SHPRH: variants seen among roughly 807,000 people sequenced by gnomAD.
SHPRH encodes the protein SNF2 histone linker PHD RING helicase, also known as E3 ubiquitin-protein ligase SHPRH.
Under a neutral mutation model 202.5 loss-of-function variants are expected in SHPRH, and 106 were observed. The ratio of observed to expected loss-of-function variants is 0.52; its 90% CI spans 0.45 to 0.62. The LOEUF (loss-of-function observed/expected upper bound fraction) is 0.62. SHPRH is among the 20% of genes least tolerant of loss of function. The probability of loss-of-function intolerance (pLI) is 0.00; values close to 1 mark genes in which losing one functional copy is unlikely to be tolerated. For synonymous variants in SHPRH, 729 were observed against 686.0 expected, an observed-to-expected ratio of 1.06 and a Z score of -0.98; for missense variants, 1,710 against 2,020.0, an observed-to-expected ratio of 0.85 and a Z score of 2.94.
At chr6:145,907,518 T>A (rs1783074636) in intron 25 of SHPRH, 1 of 152,150 alleles carries the variant, frequency 6.6e-6, no homozygotes, top group South Asian at 2.1e-4. Context: ...AATTCTCAAA[T>A]GTTCAGGTGG....
chr6:145,927,291 A>G lies in SHPRH; in HGVS notation c.3113-14T>C, dbSNP rs936380303. ...AGGCATACTCACCTAAAGAATTAAAATGTATTTAAAGCATACGAGAGTCAC... is the reference window on the plus strand; with the variant it reads ...AGGCATACTCACCTAAAGAATTAAAGTGTATTTAAAGCATACGAGAGTCAC... On this transcript the variant is annotated splice_polypyrimidine_tract_variant and intron_variant, in intron 14 of 29. Transcript: ENST00000275233. The G allele has an allele frequency of 6.8e-6, 11 of 1,607,568 alleles. No individual in the cohort carries two copies. The African/African-American group carries it at 1.2e-4, about 18-fold the overall frequency.
chr6:145,930,078 C>T (rs560024295), intron 14 of SHPRH, among the ~76,000 whole-genome samples: 1 of 152,118 alleles, frequency 6.6e-6, no homozygotes, highest in East Asian at 1.9e-4. Context: ...GTAAGTAGGC[C>T]CACCCTATTC....
chr6:145,891,559 T>G (rs1439140600), intron 28 of SHPRH, among the ~76,000 whole-genome samples: 1 of 152,174 alleles, frequency 6.6e-6, no homozygotes, highest in East Asian at 1.9e-4. Flanking sequence ...GGACATCTCA[T>G]GTTCCTAAAA....
At position 145,940,764 on chromosome 6, in the gene SHPRH, C is replaced by A. The variant is rs753771308; in HGVS notation, c.2528G>T (p.Arg843Leu). ...TACTGGAGTGCCACTGATACACCATCGATTAATCCCACTCAAACGCTGGGC... is the reference window on the plus strand; with the variant it reads ...TACTGGAGTGCCACTGATACACCATAGATTAATCCCACTCAAACGCTGGGC... The part of the protein sequence containing the change: ...EMAQRLSGIN[R>L]WCISGTPVQR... Residue 843 changes from arginine (R) to leucine (L), a missense_variant, in exon 11 of 30, where the codon CGA (arginine) becomes CTA (leucine). Coordinates refer to ENST00000275233, the MANE Select transcript of SHPRH (RefSeq NM_001042683.3). 1.1e-5 allele frequency: 18 copies of A among 1,613,652 alleles called. No individual in the cohort carries two copies. Among genetic ancestry groups the A allele is most frequent in the Non-Finnish European group, 1.5e-5 (18 of 1,179,830 alleles).
intron 11 of SHPRH, 129 bp downstream of exon 11, chr6:145,940,594 A>G: frequency 1.2e-6 from 1 of 816,012 alleles, no homozygotes; most frequent in South Asian, 1.8e-5. Context: ...AACTATTAGG[A>G]GTCAACTATA....
downstream of SHPRH, among the ~76,000 whole-genome samples, chr6:145,860,452 G>C (rs1779542921): frequency 6.6e-6 from 1 of 151,898 alleles, no homozygotes. Context: ...GTAAGTGAAA[G>C]ACTTGTACAT....
At chr6:145,933,301 AT>A (rs938727419) in intron 13 of SHPRH, 123 bp from the exon 14 acceptor site, 224 of 1,408,250 alleles carry the variant, frequency 1.6e-4, no homozygotes, top group Admixed American at 3.2e-4. Flanking sequence ...TATCTCTAGC[AT>A]TTTTTTTCGC....
At chr6:145,952,183 A>T (rs6912338) in intron 3 of SHPRH, among the ~76,000 whole-genome samples, 166 bp downstream of exon 3, 1 of 152,090 alleles carries the variant, frequency 6.6e-6, no homozygotes, top group East Asian at 1.9e-4. Flanking sequence ...CAAAGAAACA[A>T]ATTATATTAG....
rs1421471433 is a variant in SHPRH, at chr6:145,885,870, A to T, written c.*821T>A. 6.6e-6 allele frequency: 1 copy of T among 152,104 alleles called. No individual in the cohort carries two copies. Among genetic ancestry groups the T allele is most frequent in the Non-Finnish European group, 1.5e-5 (1 of 68,018 alleles). The allele number at this position is 152,104 out of a possible 1,614,324, so 9.4% of individuals were successfully genotyped here. On this transcript the variant is annotated 3_prime_UTR_variant, in exon 30 of 30. Coordinates refer to ENST00000275233, the MANE Select transcript of SHPRH (RefSeq NM_001042683.3). ...ATGATTAAAAAAAAAACCCTGCCAT[A>T]TTTCCATGTTATAATAAAACAAAAT...
chr6:145,952,249 G>T, intron 3 of SHPRH, 100 bp downstream of exon 3: 1 of 1,039,232 alleles, frequency 9.6e-7, no homozygotes, highest in Non-Finnish European at 1.3e-6. Flanking sequence ...TTTTATTATG[G>T]CTTTATTAGC....
intron 11 of SHPRH, among the ~76,000 whole-genome samples, chr6:145,936,432 T>G (rs945562086): frequency 2.0e-5 from 3 of 152,110 alleles, no homozygotes; most frequent in Non-Finnish European, 4.4e-5. Flanking sequence ...TGGGCTCAAG[T>G]GATCCTACCT....
chr6:145,914,726 T>TG (rs1246364471), intron 23 of SHPRH, among the ~76,000 whole-genome samples: 1 of 152,174 alleles, frequency 6.6e-6, no homozygotes, highest in Non-Finnish European at 1.5e-5. Context: ...CTTTGACCCA[T>TG]GGGTTATTCA....
intron 16 of SHPRH, 40 bp from the exon 17 acceptor site, chr6:145,924,886 T>C (rs73582109): frequency 3.4e-6 from 5 of 1,485,554 alleles, no homozygotes; most frequent in African/African-American, 1.4e-5. Flanking sequence ...ACTCCCAATC[T>C]AGAATATAAT....
chr6:145,887,667 C>T (rs1313246145), intron 29 of SHPRH, among the ~76,000 whole-genome samples: 2 of 151,776 alleles, frequency 1.3e-5, no homozygotes, highest in Non-Finnish European at 2.9e-5. Context: ...TCCCGACTAG[C>T]TAAGACTATG....
At chr6:145,859,177 C>G in the SHPRH span, among the ~76,000 whole-genome samples, 1 of 151,944 alleles carries the variant, frequency 6.6e-6, no homozygotes. Flanking sequence ...GTATGTCTAA[C>G]CAATTTTGAA....
At chr6:145,941,280 G>C (rs1197992973) in intron 10 of SHPRH, among the ~76,000 whole-genome samples, 1 of 152,182 alleles carries the variant, frequency 6.6e-6, no homozygotes, top group Non-Finnish European at 1.5e-5. Flanking sequence ...GTCAACTTTG[G>C]TTCAAAGCTA....
chr6:145,947,762 T>TATA, intron 5 of SHPRH, 119 bp from the exon 6 acceptor site: 1 of 1,267,014 alleles, frequency 7.9e-7, no homozygotes, highest in Non-Finnish European at 1.1e-6. Flanking sequence ...TTATTGAAAC[T>TATA]ATATTTTAGG....
At chr6:145,915,678 T>G (rs2128743274) in intron 23 of SHPRH, among the ~76,000 whole-genome samples, 1 of 152,212 alleles carries the variant, frequency 6.6e-6, no homozygotes, top group Admixed American at 6.5e-5. Context: ...GAAAAACATC[T>G]CTATGTAGCC....
rs567547290 is a variant in SHPRH at position 145,927,367 on chromosome 6, A to C, written c.3113-90T>G. ...TTGTCCATTATTTAAGAATACTGTAAAAATAAAATGTAATGATTATAACTT... is the reference window on the plus strand; with the variant it reads ...TTGTCCATTATTTAAGAATACTGTACAAATAAAATGTAATGATTATAACTT... On this transcript the variant is annotated intron_variant, in intron 14 of 29. Coordinates refer to ENST00000275233, the MANE Select transcript of SHPRH (RefSeq NM_001042683.3). The C allele has an allele frequency of 4.4e-6, 5 of 1,135,198 alleles. No homozygotes were observed. In the African/African-American group the frequency reaches 7.8e-5, roughly 18 times the overall value. 70.3% of individuals were successfully genotyped at this position (1,135,198 alleles called of 1,614,324 possible).
Sources: gnomAD v4.1 joint callset for allele counts (sites outside exome capture counted in the v4.1 genomes callset) on GRCh38, gnomAD v4.1.1 for gene constraint, MANE v1.5 for transcripts, NCBI Gene and HGNC (gene_info 2026-07-23, HGNC 2026-07-21) for gene names.